EPHX3: variants seen among roughly 807,000 people sequenced by gnomAD.
EPHX3 encodes epoxide hydrolase 3.
A neutral mutation model predicts 40.2 loss-of-function variants in EPHX3; 39 were observed. The observed-to-expected ratio is 0.97, with a 90% CI of 0.75 to 1.27. The LOEUF (loss-of-function observed/expected upper bound fraction) is 1.27, where lower values mean the gene tolerates loss of function less well. Ranked by LOEUF, EPHX3 falls within the 50% of genes most tolerant of loss-of-function variation. The probability of loss-of-function intolerance (pLI) is 0.00; values close to 1 mark genes in which losing one functional copy is unlikely to be tolerated. For missense variants in EPHX3, 442 were observed against 474.0 expected, an observed-to-expected ratio of 0.93 and a Z score of 0.63; for synonymous variants, 213 against 209.7, an observed-to-expected ratio of 1.02 and a Z score of -0.14.
At chr19:15,230,231 C>T (rs951195657) in intron 4 of EPHX3, among the ~76,000 whole-genome samples, 6 of 151,932 alleles carry the variant, frequency 3.9e-5, no homozygotes, top group South Asian at 2.1e-4. Flanking sequence ...TGCAGTGGTG[C>T]GATCTTGGCT....
intron 4 of EPHX3, among the ~76,000 whole-genome samples, chr19:15,229,907 A>AAAAAAAAAAC (rs1203339827): frequency 7.1e-6 from 1 of 140,254 alleles, no homozygotes; most frequent in Non-Finnish European, 1.5e-5. Context: ...AAAAAAAAAA[A>AAAAAAAAAAC]AAAAGAAAAG....
chr19:15,236,913 G>A (rs2047196195), upstream of EPHX3: 1 of 203,572 alleles, frequency 4.9e-6, no homozygotes, highest in African/African-American at 2.3e-5. Flanking sequence ...AGTCAAACCA[G>A]TCAGTGACTC....
chr19:15,228,256 C>T (rs1032324602), intron 4 of EPHX3, among the ~76,000 whole-genome samples, 156 bp from the exon 5 acceptor site: 1 of 152,134 alleles, frequency 6.6e-6, no homozygotes, highest in Non-Finnish European at 1.5e-5. Context: ...CCCTCCTGGC[C>T]TGGGCACCAG....
chr19:15,228,043 TG>T lies in EPHX3; in HGVS notation c.673del (p.Gln225SerfsTer18). The T allele has an allele frequency of 6.2e-7, 1 of 1,602,632 alleles. No homozygotes were observed. Among genetic ancestry groups the T allele is most frequent in the Non-Finnish European group, 8.5e-7 (1 of 1,176,248 alleles). On this transcript the variant is annotated frameshift_variant, in exon 5 of 7. Transcript: ENST00000221730. LOFTEE classifies it high-confidence loss of function. ...FFRSHYMFLFQLPWLPEKLLS... is the reference protein window; with the variant it reads ...FFRSHYMFLFXLPWLPEKLLS... ...CAGCTTCTCGGGCAGCCAGGGCAGC[TG>T]GAACAGGAACATGTAGTGGGAACGG...
At chr19:15,228,629 C>T (rs965998317) in intron 4 of EPHX3, among the ~76,000 whole-genome samples, 3 of 148,948 alleles carry the variant, frequency 2.0e-5, no homozygotes, top group Non-Finnish European at 4.4e-5. Flanking sequence ...CGCCATTCTC[C>T]TGCCTCAGCC....
chr19:15,234,470 A>G (rs556387265), upstream of EPHX3, among the ~76,000 whole-genome samples: 18 of 152,202 alleles, frequency 1.2e-4, no homozygotes, highest in Admixed American at 7.2e-4. Context: ...ACACTCAGCT[A>G]ATTTTTCAAA....
chr19:15,231,745 G>A (rs1305472476), intron 2 of EPHX3, 31 bp downstream of exon 2: 3 of 1,609,028 alleles, frequency 1.9e-6, no homozygotes, highest in Non-Finnish European at 2.6e-6. Context: ...CCCGAGTCCC[G>A]TGGGCCTCAG....
intron 4 of EPHX3, among the ~76,000 whole-genome samples, chr19:15,228,763 C>T (rs912189771): frequency 4.0e-5 from 6 of 151,776 alleles, no homozygotes; most frequent in Non-Finnish European, 7.4e-5. Context: ...TCATGATCCA[C>T]CCGCCTCAGC....
chr19:15,231,209 G>A (rs2047151229), intron 3 of EPHX3, 30 bp downstream of exon 3: 1 of 1,613,350 alleles, frequency 6.2e-7, no homozygotes, highest in African/African-American at 1.3e-5. Context: ...GATGAGGGAG[G>A]CCACGCCTAG....
In EPHX3 at chr19:15,231,930, C is replaced by T. The variant is rs751734361; in HGVS notation, c.243+39G>A. On this transcript the variant is annotated intron_variant, in intron 1 of 6. Transcript: ENST00000221730. ...CGAGGCTTGAACCGTCTCGACCCCA[C>T]GCGACCCCGCAGCCCCGATAGCGCC... 36 of 1,612,498 alleles carry T rather than the reference C, an allele frequency of 2.2e-5. 1 individual carries two copies. The East Asian group carries it at 7.6e-4, about 34-fold the overall frequency.
Position 15,231,989 on chromosome 19 carries a change from G to T in EPHX3, c.223C>A (p.His75Asn), listed in dbSNP as rs769481496. The T allele has an allele frequency of 1.6e-5, 25 of 1,609,850 alleles. No individual in the cohort carries two copies. The Admixed American group carries it at 4.2e-4, about 27-fold the overall frequency. The change falls in exon 1 of 7, where the codon CAC (histidine) becomes AAC (asparagine). Residue 75 changes from histidine (H) to asparagine (N), a missense_variant. Transcript: ENST00000221730. ...ACLSDPSLGE[H>N]GFLNLKSSGL... is the part of the protein sequence containing the mutation. ...ATCACCTTGAGGTTCAGGAAACCGT[G>T]CTCACCCAGCGAGGGGTCGCTCAGG...
intron 4 of EPHX3, 97 bp from the exon 5 acceptor site, chr19:15,228,197 C>T: frequency 1.0e-6 from 1 of 962,166 alleles, no homozygotes; most frequent in South Asian, 1.6e-5. Context: ...GGACACAAGC[C>T]TCAGGAATGC....
At chr19:15,229,442 A>C (rs1022448440) in intron 4 of EPHX3, among the ~76,000 whole-genome samples, 1 of 151,962 alleles carries the variant, frequency 6.6e-6, no homozygotes, top group Admixed American at 6.6e-5. Context: ...TCTACTAAAA[A>C]TACAAAATAA....
intron 2 of EPHX3, among the ~76,000 whole-genome samples, 179 bp downstream of exon 2, chr19:15,231,597 T>C (rs773413869): frequency 6.6e-6 from 1 of 152,202 alleles, no homozygotes; most frequent in Non-Finnish European, 1.5e-5. Flanking sequence ...TCAACCTCAA[T>C]ACCCCTTTGT....
At chr19:15,229,039 C>G (rs914917301) in intron 4 of EPHX3, among the ~76,000 whole-genome samples, 5 of 152,114 alleles carry the variant, frequency 3.3e-5, no homozygotes, top group Non-Finnish European at 7.4e-5. Flanking sequence ...AGACAAAAAA[C>G]TCCCTGCCCT....
At chr19:15,234,663 G>A (rs2047178544), upstream of EPHX3, among the ~76,000 whole-genome samples, 3 of 152,080 alleles carry the variant, frequency 2.0e-5, no homozygotes, top group South Asian at 4.2e-4. Context: ...TCACTACCCC[G>A]GACGTGCCGT....
upstream of EPHX3, chr19:15,232,505 C>A (rs2047163283): frequency 4.4e-6 from 5 of 1,133,382 alleles, no homozygotes; most frequent in Non-Finnish European, 5.7e-6. Context: ...ATGGGCGGGG[C>A]CTAGCAGGTC....
At chr19:15,236,062 G>T (rs1410838217), upstream of EPHX3, 1 of 152,262 alleles carries the variant, frequency 6.6e-6, no homozygotes, top group African/African-American at 2.4e-5. Context: ...GGACATCGAA[G>T]AAGTGGGGGG....
At chr19:15,232,580 A>C, upstream of EPHX3, 1 of 453,398 alleles carries the variant, frequency 2.2e-6, no homozygotes, top group Non-Finnish European at 3.3e-6. Flanking sequence ...TGAGGGTCTA[A>C]AGGCGGCAAT....
Sources: allele counts gnomAD v4.1 joint callset (sites outside exome capture counted in the v4.1 genomes callset), GRCh38; gene constraint gnomAD v4.1.1; transcripts MANE v1.5; gene names NCBI Gene and HGNC (gene_info 2026-07-23, HGNC 2026-07-21).